Variants in AKT3 observed in about 807,000 individuals in gnomAD.
AKT3 encodes AKT serine/threonine kinase 3, also known as RAC-gamma serine/threonine-protein kinase.
AKT3 carries 15 observed loss-of-function variants against 65.3 expected under a neutral mutation model. That is an observed-to-expected ratio of 0.23 (90% CI 0.15 to 0.35). The LOEUF (loss-of-function observed/expected upper bound fraction) is 0.35, where lower values mean the gene tolerates loss of function less well. Ranked by LOEUF, AKT3 falls within the 10% of genes least tolerant of loss-of-function variation. The probability of loss-of-function intolerance (pLI) is 1.00; values close to 1 mark genes in which losing one functional copy is unlikely to be tolerated. For synonymous variants in AKT3, 206 were observed against 183.8 expected, an observed-to-expected ratio of 1.12 and a Z score of -0.98; for missense variants, 243 against 576.5, an observed-to-expected ratio of 0.42 and a Z score of 5.92.
intron 6 of AKT3, among the ~76,000 whole-genome samples, chr1:243,626,149 A>G (rs572944753): frequency 2.0e-5 from 3 of 152,330 alleles, no homozygotes; most frequent in Admixed American, 6.5e-5. Flanking sequence ...AACTGCTGCA[A>G]AATCTATCAA....
At chr1:243,637,532 A>G in intron 6 of AKT3, 79 bp downstream of exon 6, 1 of 1,237,742 alleles carries the variant, frequency 8.1e-7, no homozygotes, top group Non-Finnish European at 1.1e-6. Context: ...TGCATACATT[A>G]GCATGTAAAT....
intron 2 of AKT3, among the ~76,000 whole-genome samples, chr1:243,762,123 A>T (rs1689531958): frequency 2.0e-5 from 3 of 152,150 alleles, no homozygotes; most frequent in Admixed American, 2.0e-4. Context: ...AATTTCTGGC[A>T]TGTATTTAGT....
intron 2 of AKT3, among the ~76,000 whole-genome samples, chr1:243,711,635 C>G (rs1360711359): frequency 1.3e-5 from 2 of 152,118 alleles, no homozygotes; most frequent in Non-Finnish European, 1.5e-5. Context: ...CACATAACAC[C>G]TAATAAAAAT....
At chr1:243,681,745 A>C (rs1017061534) in intron 3 of AKT3, among the ~76,000 whole-genome samples, 1 of 152,104 alleles carries the variant, frequency 6.6e-6, no homozygotes, top group African/African-American at 2.4e-5. Context: ...TTCAAATCAC[A>C]GTTCTGCCAC....
chr1:243,554,788 T>A (rs1409830200), intron 10 of AKT3, among the ~76,000 whole-genome samples: 1 of 152,100 alleles, frequency 6.6e-6, no homozygotes, highest in Non-Finnish European at 1.5e-5. Flanking sequence ...ACCTCTTTTT[T>A]TTTTCATAAA....
intron 8 of AKT3, among the ~76,000 whole-genome samples, chr1:243,587,015 AT>A (rs1675861128): frequency 6.6e-6 from 1 of 152,238 alleles, no homozygotes; most frequent in South Asian, 2.1e-4. Context: ...ATAAAAAAAA[AT>A]TAAAAGACTA....
chr1:243,505,093 C>T lies in AKT3; in HGVS notation c.*156G>A. 1.6e-6 allele frequency: 1 copy of T among 617,872 alleles called. No homozygotes were observed. The highest frequency in any genetic ancestry group is 2.8e-6 in the Non-Finnish European group (1 of 351,326). The allele number at this position is 617,872 out of a possible 1,614,324, so 38.3% of individuals were successfully genotyped here. On this transcript the variant is annotated 3_prime_UTR_variant, in exon 14 of 14. Transcript: ENST00000673466. ...GTGTATTTGCGTGTATGTGTGTTTT[C>T]ATGAGGGTGAAAGGTGGCGAGGGGT...
At position 243,591,069 on chromosome 1, in the gene AKT3, A is replaced by C. The variant is rs536839646; in HGVS notation, c.697-18021T>G. Among the ~76,000 whole-genome samples, 51 of 152,322 alleles carry C rather than the reference A, an allele frequency of 3.3e-4. 1 individual carries two copies. The highest frequency in any genetic ancestry group is 1.1e-3 in the African/African-American group (47 of 41,570). On this transcript the variant is annotated intron_variant, in intron 8 of 13. Coordinates refer to ENST00000673466, the MANE Select transcript of AKT3 (RefSeq NM_005465.7). The stretch of plus-strand genomic sequence containing the variant: ...CTGAGTTCAGAGACTGGGGAGACCA[A>C]GGTATCTAGAATTCATGAGACAGGT...
chr1:243,625,124 GTTTTTTTTTTT>G (rs67561828), intron 6 of AKT3: 1 of 73,386 alleles, frequency 1.4e-5, no homozygotes, highest in Non-Finnish European at 2.4e-5. Context: ...TGCAGTTTGT[GTTTTTTTTTTT>G]TTTTTTTTTT....
At chr1:243,799,012 C>A (rs1444569709) in intron 2 of AKT3, among the ~76,000 whole-genome samples, 1 of 152,192 alleles carries the variant, frequency 6.6e-6, no homozygotes, top group Non-Finnish European at 1.5e-5. Context: ...CTGGCTTCAA[C>A]AGTTATTGCA....
At chr1:243,579,798 T>TA (rs1191241410) in intron 8 of AKT3, among the ~76,000 whole-genome samples, 8 of 152,312 alleles carry the variant, frequency 5.3e-5, no homozygotes, top group African/African-American at 1.7e-4. Flanking sequence ...TATAAAAATT[T>TA]AATACAGAAT....
chr1:243,742,515 C>T (rs959724843), intron 2 of AKT3, among the ~76,000 whole-genome samples: 5 of 152,030 alleles, frequency 3.3e-5, no homozygotes, highest in African/African-American at 9.7e-5. Context: ...ATTCCAGCTA[C>T]TTGGGAGGCT....
intron 3 of AKT3, among the ~76,000 whole-genome samples, chr1:243,685,168 T>C (rs1050623983): frequency 6.6e-6 from 1 of 152,256 alleles, no homozygotes; most frequent in African/African-American, 2.4e-5. Flanking sequence ...TAAATCCCGT[T>C]TGTCAATTTT....
intron 6 of AKT3, among the ~76,000 whole-genome samples, chr1:243,619,442 A>AAAGTAT (rs1266149961): frequency 4.0e-4 from 41 of 101,694 alleles, no homozygotes; most frequent in South Asian, 1.7e-3. Context: ...TGAACTATCT[A>AAAGTAT]ACACTAGGTC....
chr1:243,552,288 CAAAAAAAAAAA>C (rs33995513), intron 11 of AKT3, among the ~76,000 whole-genome samples: 7 of 50,166 alleles, frequency 1.4e-4, no homozygotes, highest in East Asian at 6.7e-4. Context: ...GACTCTGTCT[CAAAAAAAAAAA>C]AAAAAAAAAA....
At chr1:243,703,680 A>C (rs1212603169) in intron 2 of AKT3, among the ~76,000 whole-genome samples, 1 of 151,180 alleles carries the variant, frequency 6.6e-6, no homozygotes, top group Non-Finnish European at 1.5e-5. Context: ...GAATTGTTTG[A>C]ACCCAGGAAG....
At chr1:243,824,778 AAAG>A (rs1694070508) in intron 2 of AKT3, among the ~76,000 whole-genome samples, 1 of 152,208 alleles carries the variant, frequency 6.6e-6, no homozygotes, top group Non-Finnish European at 1.5e-5. Flanking sequence ...GGCTGTGGAG[AAAG>A]AGGAACACTT....
At chr1:243,677,114 C>A (rs1206117733) in intron 3 of AKT3, among the ~76,000 whole-genome samples, 1 of 152,210 alleles carries the variant, frequency 6.6e-6, no homozygotes, top group Non-Finnish European at 1.5e-5. Context: ...ATAAACATGT[C>A]TCTTCACTGT....
intron 5 of AKT3, among the ~76,000 whole-genome samples, chr1:243,644,256 A>G (rs1680644125): frequency 6.6e-6 from 1 of 152,204 alleles, no homozygotes; most frequent in African/African-American, 2.4e-5. Flanking sequence ...GTTTCTCAAA[A>G]TATTATGAAA....
Sources: gnomAD v4.1 joint callset for allele counts (sites outside exome capture counted in the v4.1 genomes callset) on GRCh38, gnomAD v4.1.1 for gene constraint, MANE v1.5 for transcripts, NCBI Gene and HGNC (gene_info 2026-07-23, HGNC 2026-07-21) for gene names.